The following MAP2 variants were observed in gnomAD, a reference collection of about 807,000 sequenced individuals.
The protein encoded by MAP2 is microtubule-associated protein 2.
A neutral mutation model predicts 137.6 loss-of-function variants in MAP2; 14 were observed. The observed-to-expected ratio is 0.10, with a 90% CI of 0.07 to 0.16. The LOEUF is 0.16. MAP2 is among the 10% of genes least tolerant of loss of function. MAP2 has a pLI of 1.00. For synonymous variants in MAP2, 786 were observed against 782.3 expected, an observed-to-expected ratio of 1.00 and a Z score of -0.08; for missense variants, 2,088 against 2,191.5, an observed-to-expected ratio of 0.95 and a Z score of 0.94.
chr2:209,564,435 C>T (rs926542799), intron 2 of MAP2, among the ~76,000 whole-genome samples: 1 of 151,794 alleles, frequency 6.6e-6, no homozygotes, highest in African/African-American at 2.4e-5. Context: ...GAACCAGTAG[C>T]GCCAGCATCA....
intron 5 of MAP2, 35 bp from the exon 6 acceptor site, chr2:209,678,537 A>C: frequency 1.8e-6 from 2 of 1,111,102 alleles, no homozygotes; most frequent in Middle Eastern, 2.1e-4. Flanking sequence ...CAGACTTCTC[A>C]TCGTTATATT....
chr2:209,542,018 T>G (rs186271677), intron 2 of MAP2, among the ~76,000 whole-genome samples: 1 of 152,342 alleles, frequency 6.6e-6, no homozygotes, highest in East Asian at 1.9e-4. Flanking sequence ...CCCATATCCA[T>G]CAGAGGATGC....
Position 209,656,554 on chromosome 2 carries a change from A to G in MAP2, c.262+3122A>G, listed in dbSNP as rs562132789. Among the ~76,000 whole-genome samples the G allele has an allele frequency of 3.3e-5, 5 of 151,702 alleles. No homozygotes were observed. The South Asian group carries it at 8.3e-4, about 25-fold the overall frequency. ...TAATCTAGATTTTGTCCCCTTTTTT[A>G]TGATTTAAAACTATCCATAAAAAGA... On this transcript the variant is annotated intron_variant, in intron 5 of 15. Coordinates refer to ENST00000682079, the MANE Select transcript of MAP2 (RefSeq NM_001375505.1).
intron 4 of MAP2, among the ~76,000 whole-genome samples, chr2:209,649,689 A>G (rs2094649192): frequency 6.6e-6 from 1 of 152,212 alleles, no homozygotes; most frequent in Non-Finnish European, 1.5e-5. Flanking sequence ...ATCATTACTT[A>G]CTAAATGGTT....
intron 1 of MAP2, among the ~76,000 whole-genome samples, chr2:209,493,041 T>TA (rs567995006): frequency 3.2e-4 from 48 of 152,308 alleles, no homozygotes; most frequent in African/African-American, 1.1e-3. Flanking sequence ...ACTACAAGGC[T>TA]ACATTAACCA....
intron 7 of MAP2, among the ~76,000 whole-genome samples, chr2:209,684,837 C>T (rs2056371714): frequency 6.6e-6 from 1 of 152,136 alleles, no homozygotes; most frequent in African/African-American, 2.4e-5. Context: ...TGCATTCAAT[C>T]CTGACCTCAA....
intron 3 of MAP2, among the ~76,000 whole-genome samples, chr2:209,619,266 G>C (rs1298149676): frequency 6.6e-6 from 1 of 152,028 alleles, no homozygotes; most frequent in Non-Finnish European, 1.5e-5. Flanking sequence ...AATGTTAACA[G>C]AATAGATTGT....
Position 209,625,765 on chromosome 2 carries a change from A to T in MAP2, c.-30+636A>T, listed in dbSNP as rs2092203987. ...AATAAAAATAACAGTGCATTTACTG[A>T]ACGCGCTATAAATGCATAGCAGATA... On this transcript the variant is annotated intron_variant, in intron 4 of 15. Coordinates refer to ENST00000682079, the MANE Select transcript of MAP2 (RefSeq NM_001375505.1). 2.0e-5 allele frequency among the ~76,000 whole-genome samples: 3 copies of T among 152,192 alleles called. No homozygotes were observed. In the South Asian group the frequency reaches 6.2e-4, roughly 32 times the overall value.
intron 1 of MAP2, among the ~76,000 whole-genome samples, chr2:209,442,011 A>T (rs747294388): frequency 1.3e-5 from 2 of 151,526 alleles, no homozygotes; most frequent in Non-Finnish European, 3.0e-5. Context: ...TTTCCTCAGG[A>T]TTGTCTATAT....
intron 5 of MAP2, among the ~76,000 whole-genome samples, chr2:209,675,676 C>G (rs542401203): frequency 6.6e-6 from 1 of 151,908 alleles, no homozygotes; most frequent in African/African-American, 2.4e-5. Context: ...GATATCAAAA[C>G]TGTATCCTAA....
intron 5 of MAP2, among the ~76,000 whole-genome samples, chr2:209,671,072 AT>A (rs1382498129): frequency 4.6e-5 from 7 of 151,872 alleles, no homozygotes; most frequent in Admixed American, 1.3e-4. Context: ...CCTCAAATGC[AT>A]TTTTCCCCAT....
intron 2 of MAP2, among the ~76,000 whole-genome samples, chr2:209,553,814 CTTGATAG>C (rs2069812954): frequency 6.6e-6 from 1 of 152,128 alleles, no homozygotes; most frequent in African/African-American, 2.4e-5. Context: ...CTCTTAATTT[CTTGATAG>C]TTAGTGGTAT....
intron 1 of MAP2, among the ~76,000 whole-genome samples, chr2:209,488,528 G>A (rs2058676302): frequency 6.6e-6 from 1 of 152,196 alleles, no homozygotes; most frequent in Non-Finnish European, 1.5e-5. Context: ...AGCAAGCTAA[G>A]ATCCGCTGGC....
At chr2:209,594,846 A>G (rs1421189426) in intron 3 of MAP2, among the ~76,000 whole-genome samples, 2 of 152,090 alleles carry the variant, frequency 1.3e-5, no homozygotes, top group African/African-American at 4.8e-5. Context: ...CAGTGTTGAG[A>G]TGGAATATAC....
intron 2 of MAP2, among the ~76,000 whole-genome samples, chr2:209,577,633 T>C (rs2075564270): frequency 6.6e-6 from 1 of 152,202 alleles, no homozygotes; most frequent in Admixed American, 6.5e-5. Flanking sequence ...ACCTGGGCTT[T>C]CCATTTTCCA....
intron 1 of MAP2, among the ~76,000 whole-genome samples, chr2:209,500,642 C>A (rs2060261248): frequency 6.6e-6 from 1 of 151,934 alleles, no homozygotes; most frequent in Non-Finnish European, 1.5e-5. Context: ...TTCACAACCT[C>A]CCTTATCCCA....
chr2:209,622,571 ATAT>A (rs1393118952), intron 3 of MAP2, among the ~76,000 whole-genome samples: 2 of 152,200 alleles, frequency 1.3e-5, no homozygotes, highest in Non-Finnish European at 2.9e-5. Context: ...ATGTTTGCTA[ATAT>A]TATTTTAGGC....
At chr2:209,475,962 C>T (rs556634039) in intron 1 of MAP2, among the ~76,000 whole-genome samples, 3 of 151,964 alleles carry the variant, frequency 2.0e-5, no homozygotes, top group African/African-American at 4.8e-5. Context: ...CAAAGCTTTC[C>T]ATTTCTCTCT....
chr2:209,622,673 A>C (rs894636424), intron 3 of MAP2, among the ~76,000 whole-genome samples: 4 of 148,330 alleles, frequency 2.7e-5, no homozygotes, highest in East Asian at 2.0e-4. Context: ...ATTTAATGCT[A>C]TTTATATGGG....
Sources: gnomAD v4.1 joint callset for allele counts (sites outside exome capture counted in the v4.1 genomes callset) on GRCh38, gnomAD v4.1.1 for gene constraint, MANE v1.5 for transcripts, NCBI Gene and HGNC (gene_info 2026-07-23, HGNC 2026-07-21) for gene names.